Variants in HYAL3 observed in about 807,000 individuals in gnomAD.
The protein encoded by HYAL3 is hyaluronidase-3.
Under a neutral mutation model 29.6 loss-of-function variants are expected in HYAL3, and 25 were observed. The ratio of observed to expected loss-of-function variants is 0.85; its 90% CI spans 0.62 to 1.18. HYAL3 has a LOEUF of 1.18. HYAL3 is among the 50% of genes most tolerant of loss of function. The pLI, the probability that HYAL3 is intolerant of heterozygous loss-of-function variation, is 0.00. For synonymous variants in HYAL3, 215 were observed against 218.3 expected (o/e 0.99, Z 0.13); for missense variants, 442 against 548.4 (o/e 0.81, Z 1.94).
chr3:50,293,243 G>A lies in HYAL3; in HGVS notation c.*3C>T. 2 of 1,613,058 alleles carry A rather than the reference G, an allele frequency of 1.2e-6. No individual in the cohort carries two copies. The highest frequency in any genetic ancestry group is 1.7e-6 in the Non-Finnish European group (2 of 1,180,020). The stretch of plus-strand genomic sequence containing the variant: ...AGAAGAGGCAGTGGCAGGGGCCCTG[G>A]CTTTATACTGCTTCTTTAGGCCCAG... On this transcript the variant is annotated 3_prime_UTR_variant, in exon 4 of 4. Transcript: ENST00000336307.
At chr3:50,294,608 C>A (rs1266470873) in intron 2 of HYAL3, 101 bp downstream of exon 2, 1 of 1,043,396 alleles carries the variant, frequency 9.6e-7, no homozygotes, top group Non-Finnish European at 1.3e-6. Context: ...CTGAGAACGC[C>A]TAGATTAGGA....
chr3:50,295,681 C>A, intron 1 of HYAL3, 62 bp from the exon 2 acceptor site: 2 of 1,372,866 alleles, frequency 1.5e-6, no homozygotes, highest in Non-Finnish European at 1.9e-6. Context: ...TTCCACATGG[C>A]AGGGAAAGCC....
chr3:50,295,797 C>A, intron 1 of HYAL3, 178 bp from the exon 2 acceptor site: 1 of 583,108 alleles, frequency 1.7e-6, no homozygotes, highest in Admixed American at 2.9e-5. Context: ...CGCAAGCTGG[C>A]TATGATGCCC....
At chr3:50,295,919 C>G in intron 1 of HYAL3, 1 of 366,000 alleles carries the variant, frequency 2.7e-6, no homozygotes, top group Non-Finnish European at 5.0e-6. Context: ...CCACAACTGT[C>G]ACAAGTCCCC....
At chr3:50,296,475 A>G (rs996074708) in intron 1 of HYAL3, 14 of 1,142,796 alleles carry the variant, frequency 1.2e-5, no homozygotes, top group Middle Eastern at 5.9e-4. Flanking sequence ...ACTGGTACCC[A>G]GGAAACATGC....
Position 50,299,212 on chromosome 3 carries a change from C to T in HYAL3, c.-18+1G>A, listed in dbSNP as rs1702014110. On this transcript the variant is annotated splice_donor_variant, in intron 1 of 3. Coordinates refer to ENST00000336307, the MANE Select transcript of HYAL3 (RefSeq NM_003549.4). LOFTEE classifies it low-confidence loss of function (5UTR_SPLICE). The stretch of plus-strand genomic sequence containing the variant: ...GCAAATGGGAAGGGTGCGGTACTGA[C>T]ATGTTGATGCTGGCCTCTGGGATGT... 1 of 1,614,050 alleles carries T rather than the reference C, an allele frequency of 6.2e-7. No homozygotes were observed. The highest frequency in any genetic ancestry group is 8.5e-7 in the Non-Finnish European group (1 of 1,180,016).
At position 50,297,573 on chromosome 3, in the gene HYAL3, G is replaced by A. The variant is rs1701905976; in HGVS notation, c.-18+1640C>T. On this transcript the variant is annotated intron_variant, in intron 1 of 3. Coordinates refer to ENST00000336307, the MANE Select transcript of HYAL3 (RefSeq NM_003549.4). The surrounding 1 kb of genome is among the most constrained non-coding windows in gnomAD (Gnocchi z 4.3). ...CAGCTGAGTCAGGCTGGGAGCCAAG[G>A]TCACCTGCTGCTAGGTTGCAGGTGG... 2 of 1,494,018 alleles carry A rather than the reference G, an allele frequency of 1.3e-6. No individual in the cohort carries two copies. Among genetic ancestry groups the A allele is most frequent in the African/African-American group, 1.4e-5 (1 of 71,008 alleles). The allele number at this position is 1,494,018 out of a possible 1,614,324, so 92.5% of individuals were successfully genotyped here.
Position 50,297,195 on chromosome 3 carries a change from C to T in HYAL3, c.-17-1576G>A, listed in dbSNP as rs1325251913. On this transcript the variant is annotated intron_variant, in intron 1 of 3. Coordinates refer to ENST00000336307, the MANE Select transcript of HYAL3 (RefSeq NM_003549.4). This position sits in a 1 kb window ranked among gnomAD's most constrained non-coding sequence, Gnocchi z 4.3. ...TGAGGACTGGCCCAGGGAGTGCAGG[C>T]GGGAGGTGCGGCTGCGGGGCCACTG... 3 of 1,612,216 alleles carry T rather than the reference C, an allele frequency of 1.9e-6. No individual in the cohort carries two copies. Among genetic ancestry groups the T allele is most frequent in the South Asian group, 1.1e-5 (1 of 90,858 alleles).
chr3:50,294,180 T>C (rs1186485192), intron 2 of HYAL3, among the ~76,000 whole-genome samples: 1 of 152,128 alleles, frequency 6.6e-6, no homozygotes, highest in African/African-American at 2.4e-5. Flanking sequence ...GCATCTGTAG[T>C]CCAGCTATTC....
intron 1 of HYAL3, 117 bp from the exon 2 acceptor site, chr3:50,295,736 G>C: frequency 1.2e-6 from 1 of 865,338 alleles, no homozygotes. Flanking sequence ...GGAGGAGCTG[G>C]GGAAAGCATG....
chr3:50,299,394 G>T lies in HYAL3; in HGVS notation c.-199C>A. 7.1e-7 allele frequency: 1 copy of T among 1,400,472 alleles called. No individual in the cohort carries two copies. Among genetic ancestry groups the T allele is most frequent in the South Asian group, 1.3e-5 (1 of 77,828 alleles). 86.8% of individuals were successfully genotyped at this position (1,400,472 alleles called of 1,614,324 possible). Reference sequence around the variant, plus strand: ...TTCTAAGGCCTCCCAGCACCCGCGCGTCGCCGCTTAGAACCCGCCCCTGGT... The same window carrying T: ...TTCTAAGGCCTCCCAGCACCCGCGCTTCGCCGCTTAGAACCCGCCCCTGGT... On this transcript the variant is annotated 5_prime_UTR_variant, in exon 1 of 4. Coordinates refer to ENST00000336307, the MANE Select transcript of HYAL3 (RefSeq NM_003549.4).
At chr3:50,293,855 T>C (rs1701750794) in intron 2 of HYAL3, 134 bp from the exon 3 acceptor site, 2 of 841,688 alleles carry the variant, frequency 2.4e-6, no homozygotes, top group Non-Finnish European at 3.8e-6. Flanking sequence ...TCTAGTTTGG[T>C]TTGGTTTTAG....
intron 1 of HYAL3, chr3:50,298,076 G>C: frequency 2.0e-6 from 2 of 985,490 alleles, no homozygotes; most frequent in Non-Finnish European, 2.4e-6. Context: ...AGTCCTCCTA[G>C]TCCACCACTA....
At position 50,297,104 on chromosome 3, in the gene HYAL3, C is replaced by T. The variant is rs782052987; in HGVS notation, c.-17-1485G>A. ...CCCGTGACAGGCGGGCATGGCCCAC[C>T]ACAACGGGTGCTGCTTCAAGTGTGG... On this transcript the variant is annotated intron_variant, in intron 1 of 3. Transcript: ENST00000336307. The surrounding 1 kb of genome is among the most constrained non-coding windows in gnomAD (Gnocchi z 4.3). 3 of 1,551,866 alleles carry T rather than the reference C, an allele frequency of 1.9e-6. No individual in the cohort carries two copies. Among genetic ancestry groups the T allele is most frequent in the African/African-American group, 2.7e-5 (2 of 73,138 alleles).
At chr3:50,299,009 C>T in intron 1 of HYAL3, 2 of 1,479,802 alleles carry the variant, frequency 1.4e-6, no homozygotes, top group South Asian at 2.7e-5. Flanking sequence ...GCCTCGGTTT[C>T]CCCCTCCCTC....
intron 1 of HYAL3, chr3:50,296,875 G>A: frequency 6.2e-7 from 1 of 1,603,190 alleles, no homozygotes; most frequent in Non-Finnish European, 8.5e-7. Context: ...GTGAAGACCA[G>A]GCCCTGCACA....
At chr3:50,298,753 A>G (rs1296704021) in intron 1 of HYAL3, 34 of 1,034,578 alleles carry the variant, frequency 3.3e-5, no homozygotes, top group Non-Finnish European at 3.8e-5. Flanking sequence ...CCAATTAAAC[A>G]CTGGTCAGTA....
chr3:50,296,897 C>G, intron 1 of HYAL3: 1 of 1,608,688 alleles, frequency 6.2e-7, no homozygotes, highest in Non-Finnish European at 8.5e-7. Context: ...GCTCACCCAG[C>G]TGGTAGCCCA....
intron 2 of HYAL3, 36 bp downstream of exon 2, chr3:50,294,673 C>G (rs781785894): frequency 6.8e-7 from 1 of 1,481,096 alleles, no homozygotes; most frequent in Non-Finnish European, 9.0e-7. Flanking sequence ...GGCCATACCT[C>G]CTGACTCAGA....
Sources: allele counts gnomAD v4.1 joint callset (sites outside exome capture counted in the v4.1 genomes callset), GRCh38; gene constraint gnomAD v4.1.1; non-coding constraint Gnocchi (gnomAD v3.1); transcripts MANE v1.5; gene names NCBI Gene and HGNC (gene_info 2026-07-23, HGNC 2026-07-21).